The following LRBA variants were observed in gnomAD, a reference collection of about 807,000 sequenced individuals.
LRBA encodes the protein LPS responsive beige-like anchor protein.
LRBA carries 176 observed loss-of-function variants against 330.0 expected under a neutral mutation model. The ratio of observed to expected loss-of-function variants is 0.53; its 90% CI spans 0.47 to 0.60. LRBA has a LOEUF of 0.60. LRBA is among the 20% of genes least tolerant of loss of function. The pLI, the probability that LRBA is intolerant of heterozygous loss-of-function variation, is 0.00. For missense variants in LRBA, 3,259 were observed against 3,444.8 expected (o/e 0.95, Z 1.35); for synonymous variants, 1,230 against 1,193.0 (o/e 1.03, Z -0.64).
At chr4:150,803,929 A>G (rs1222408132) in intron 33 of LRBA, among the ~76,000 whole-genome samples, 1 of 152,126 alleles carries the variant, frequency 6.6e-6, no homozygotes, top group African/African-American at 2.4e-5. Flanking sequence ...ACATGATCCT[A>G]TCTTGTTATC....
At chr4:150,809,039 C>G (rs1184036998) in intron 31 of LRBA, among the ~76,000 whole-genome samples, 1 of 152,166 alleles carries the variant, frequency 6.6e-6, no homozygotes, top group Non-Finnish European at 1.5e-5. Flanking sequence ...AGGAAAGCAT[C>G]TGCATCAGGC....
At chr4:150,417,843 G>C (rs1187013657) in intron 46 of LRBA, among the ~76,000 whole-genome samples, 2 of 152,050 alleles carry the variant, frequency 1.3e-5, no homozygotes, top group East Asian at 3.8e-4. Context: ...ACATTTCATA[G>C]CAATTGTTAC....
At chr4:150,441,310 T>G (rs1751807745) in intron 44 of LRBA, among the ~76,000 whole-genome samples, 1 of 152,116 alleles carries the variant, frequency 6.6e-6, no homozygotes, top group Non-Finnish European at 1.5e-5. Context: ...GAGTAAACAG[T>G]AGTCCCCATC....
intron 40 of LRBA, among the ~76,000 whole-genome samples, chr4:150,533,971 T>C (rs1011935582): frequency 2.0e-5 from 3 of 152,170 alleles, no homozygotes; most frequent in Non-Finnish European, 2.9e-5. Context: ...CTGGATTCTA[T>C]GATCCACAGA....
At chr4:150,447,273 A>G (rs1258397908) in intron 44 of LRBA, among the ~76,000 whole-genome samples, 1 of 152,278 alleles carries the variant, frequency 6.6e-6, no homozygotes, top group East Asian at 1.9e-4. Flanking sequence ...ATTTCTTGGT[A>G]TGTCTGTGAA....
chr4:150,644,547 G>A (rs184951797), intron 37 of LRBA, among the ~76,000 whole-genome samples: 10 of 151,934 alleles, frequency 6.6e-5, no homozygotes, highest in African/African-American at 2.2e-4. Context: ...AAGGAGTTGA[G>A]GACATTGAAG....
chr4:150,796,707 T>A (rs1443327681), intron 34 of LRBA, among the ~76,000 whole-genome samples: 1 of 151,972 alleles, frequency 6.6e-6, no homozygotes, highest in Admixed American at 6.6e-5. Flanking sequence ...ATTCGATTCT[T>A]CTAAACTAGA....
intron 2 of LRBA, among the ~76,000 whole-genome samples, chr4:150,947,825 CATTTAAAAATCA>C (rs1736400258): frequency 6.6e-6 from 1 of 152,008 alleles, no homozygotes; most frequent in Non-Finnish European, 1.5e-5. Flanking sequence ...ACCAGATAAA[CATTTAAAAATCA>C]ATTATACTTC....
intron 37 of LRBA, among the ~76,000 whole-genome samples, chr4:150,631,543 T>G (rs188740616): frequency 1.2e-4 from 18 of 152,298 alleles, no homozygotes; most frequent in African/African-American, 4.1e-4. Flanking sequence ...TTGTCTTAAA[T>G]TTCGATATGT....
Position 150,812,166 on chromosome 4 carries a change from G to A in LRBA, c.5306-3768C>T, listed in dbSNP as rs76229052. ...CACATTCTGTATTTTTTCAACTCAG[G>A]TAAAAATATAAACTTTCAATCAATT... On this transcript the variant is annotated intron_variant, in intron 31 of 56. Coordinates refer to ENST00000651943, the MANE Select transcript of LRBA (RefSeq NM_001364905.1). Among the ~76,000 whole-genome samples the A allele has an allele frequency of 4.2e-3, 634 of 152,186 alleles. 3 individuals carry two copies. Among genetic ancestry groups the A allele is most frequent in the African/African-American group, 0.015 (613 of 41,540 alleles).
intron 2 of LRBA, among the ~76,000 whole-genome samples, chr4:150,929,979 A>G (rs1371663758): frequency 1.3e-5 from 2 of 152,186 alleles, no homozygotes; most frequent in Non-Finnish European, 2.9e-5. Flanking sequence ...TCCAAACTGC[A>G]TACCCAAAAG....
At chr4:150,316,138 G>A (rs114960713) in intron 50 of LRBA, among the ~76,000 whole-genome samples, 1,681 of 152,200 alleles carry the variant, frequency 0.011, 12 homozygotes, top group Non-Finnish European at 0.017. Flanking sequence ...TAAAAATAAA[G>A]AAAGCTATCC....
At chr4:150,313,272 T>C (rs1045178393) in intron 51 of LRBA, among the ~76,000 whole-genome samples, 4 of 152,262 alleles carry the variant, frequency 2.6e-5, no homozygotes, top group Admixed American at 6.5e-5. Flanking sequence ...ACAGAAAATA[T>C]TGAATATCAA....
chr4:150,533,541 G>A (rs1451698567), intron 40 of LRBA, among the ~76,000 whole-genome samples: 9 of 151,982 alleles, frequency 5.9e-5, no homozygotes, highest in Admixed American at 5.9e-4. Context: ...TGCTGCTGTT[G>A]TTGTTTGAAG....
intron 17 of LRBA, among the ~76,000 whole-genome samples, chr4:150,892,036 G>A (rs181138068): frequency 6.6e-6 from 1 of 152,236 alleles, no homozygotes; most frequent in African/African-American, 2.4e-5. Flanking sequence ...AGGCTGCAGT[G>A]ACCCGTGATC....
At chr4:150,957,257 C>G (rs1737636257) in intron 2 of LRBA, among the ~76,000 whole-genome samples, 1 of 148,572 alleles carries the variant, frequency 6.7e-6, no homozygotes, top group Non-Finnish European at 1.5e-5. Context: ...CAGTTCCACT[C>G]CCCAGTGGAA....
chr4:151,003,629 A>T (rs1743664963), intron 2 of LRBA, among the ~76,000 whole-genome samples: 1 of 151,796 alleles, frequency 6.6e-6, no homozygotes, highest in Non-Finnish European at 1.5e-5. Context: ...CTTCTCTGCA[A>T]ACAAAATTTT....
At chr4:150,730,824 C>T (rs1471958807) in intron 36 of LRBA, among the ~76,000 whole-genome samples, 1 of 151,846 alleles carries the variant, frequency 6.6e-6, no homozygotes. Flanking sequence ...TCAAGACCAG[C>T]CTGACCAACA....
At chr4:150,697,325 G>GAAAGAAAAAAAAAAA (rs373474421) in intron 36 of LRBA, among the ~76,000 whole-genome samples, 7 of 28,054 alleles carry the variant, frequency 2.5e-4, no homozygotes, top group African/African-American at 9.2e-4. Flanking sequence ...CTTTGTCTCA[G>GAAAGAAAAAAAAAAA]AAAAAAAAAA....
Sources: gnomAD v4.1 joint callset for allele counts (sites outside exome capture counted in the v4.1 genomes callset) on GRCh38, gnomAD v4.1.1 for gene constraint, MANE v1.5 for transcripts, NCBI Gene and HGNC (gene_info 2026-07-23, HGNC 2026-07-21) for gene names.